Variants in AOX1 observed in about 807,000 individuals in gnomAD.
The protein encoded by AOX1 is aldehyde oxidase.
Under a neutral mutation model 169.5 loss-of-function variants are expected in AOX1, and 153 were observed. That is an observed-to-expected ratio of 0.90 (90% CI 0.79 to 1.03). AOX1 has a LOEUF of 1.03. Ranked by LOEUF, AOX1 falls within the 50% of genes least tolerant of loss-of-function variation. The pLI is 0.00. For synonymous variants in AOX1, 562 were observed against 581.9 expected, an observed-to-expected ratio of 0.97 and a Z score of 0.49; for missense variants, 1,656 against 1,663.9, an observed-to-expected ratio of 1.00 and a Z score of 0.08.
intron 24 of AOX1, among the ~76,000 whole-genome samples, chr2:200,642,227 G>T (rs1313375747): frequency 6.6e-6 from 1 of 152,118 alleles, no homozygotes; most frequent in African/African-American, 2.4e-5. Flanking sequence ...TCCCCATTGA[G>T]AACCAATACA....
At chr2:200,618,391 T>C (rs2034812008) in intron 16 of AOX1, among the ~76,000 whole-genome samples, 1 of 152,196 alleles carries the variant, frequency 6.6e-6, no homozygotes, top group African/African-American at 2.4e-5. Context: ...GTAAATTTTA[T>C]ATAAAATAGG....
intron 7 of AOX1, 140 bp from the exon 8 acceptor site, chr2:200,603,877 A>G (rs909840190): frequency 1.7e-6 from 1 of 599,604 alleles, no homozygotes; most frequent in Non-Finnish European, 3.0e-6. Context: ...CTTGGTTTGG[A>G]GCGCGGGGAT....
intron 3 of AOX1, among the ~76,000 whole-genome samples, chr2:200,596,036 G>A (rs1412456637): frequency 1.3e-5 from 2 of 152,076 alleles, no homozygotes; most frequent in East Asian, 3.9e-4. Context: ...ACTTCTCAAG[G>A]CATTATCTCT....
intron 4 of AOX1, among the ~76,000 whole-genome samples, chr2:200,598,649 CA>C (rs1185077282): frequency 1.6e-5 from 2 of 124,556 alleles, no homozygotes; most frequent in Non-Finnish European, 3.8e-5. Flanking sequence ...GAGGCTGAAG[CA>C]GGAATAATCA....
At chr2:200,663,702 A>G (rs2035875276) in intron 31 of AOX1, among the ~76,000 whole-genome samples, 1 of 152,078 alleles carries the variant, frequency 6.6e-6, no homozygotes, top group Non-Finnish European at 1.5e-5. Context: ...GTCAATACTA[A>G]TAAATGATCA....
chr2:200,621,123 T>A lies in AOX1; in HGVS notation c.1878T>A (p.Ser626=), dbSNP rs1211435606. 6.2e-7 allele frequency: 1 copy of A among 1,612,908 alleles called. No individual in the cohort carries two copies. Among genetic ancestry groups the A allele is most frequent in the African/African-American group, 1.3e-5 (1 of 74,898 alleles). The part of the protein sequence containing the change: ...TSSRAHAKIV[S]IDLSEALSMP... ...CTCTGCTGTGTATATCATCTAGGTCTATTGATCTGTCAGAAGCTCTCAGCA... is the reference window on the plus strand; with the variant it reads ...CTCTGCTGTGTATATCATCTAGGTCAATTGATCTGTCAGAAGCTCTCAGCA... Residue 626 remains serine (S), a synonymous_variant, in exon 18 of 35, where the codon TCT becomes TCA. Coordinates refer to ENST00000374700, the MANE Select transcript of AOX1 (RefSeq NM_001159.4).
chr2:200,604,074 CT>C lies in AOX1; in HGVS notation c.647del (p.Leu216ArgfsTer7). 1 of 1,612,458 alleles carries C rather than the reference CT, an allele frequency of 6.2e-7. No homozygotes were observed. Among genetic ancestry groups the C allele is most frequent in the African/African-American group, 1.3e-5 (1 of 75,000 alleles). ...EFLPLDPTQE[L>X]IFPPELMIMA... ...TCTGCCATTGGATCCAACCCAGGAA[CT>C]GATATTTCCTCCTGAGCTAATGGTG... On this transcript the variant is annotated frameshift_variant, in exon 8 of 35. Coordinates refer to ENST00000374700, the MANE Select transcript of AOX1 (RefSeq NM_001159.4). LOFTEE classifies it high-confidence loss of function.
intron 2 of AOX1, among the ~76,000 whole-genome samples, chr2:200,594,694 C>G (rs1229127552): frequency 2.6e-5 from 4 of 152,068 alleles, no homozygotes; most frequent in Non-Finnish European, 1.5e-5. Flanking sequence ...TGTTAATGAC[C>G]CCACCTAGCT....
chr2:200,621,323 CT>C, intron 18 of AOX1, 77 bp downstream of exon 18: 1 of 1,503,894 alleles, frequency 6.6e-7, no homozygotes, highest in African/African-American at 1.4e-5. Context: ...AAGATACCAT[CT>C]ACTTTGGCAC....
intron 26 of AOX1, among the ~76,000 whole-genome samples, chr2:200,654,101 G>A (rs2105761296): frequency 7.1e-6 from 1 of 141,486 alleles, no homozygotes; most frequent in Admixed American, 7.8e-5. Flanking sequence ...GTGTTCAAGT[G>A]AAAAAAAGAG....
rs1351094944 is a variant in AOX1, at chr2:200,651,067, A to G, written c.2941A>G (p.Met981Val). 4 of 1,614,112 alleles carry G rather than the reference A, an allele frequency of 2.5e-6. No homozygotes were observed. Among genetic ancestry groups the G allele is most frequent in the African/African-American group, 1.3e-5 (1 of 74,950 alleles). ...CCTAATCCAGTGTTGGAGAGAATGT[A>G]TGGCCATGTCTTCCTACTCCTTGAG... is the stretch of plus-strand genomic sequence containing the variant. ...KNLIQCWREC[M>V]AMSSYSLRKV... Residue 981 changes from methionine (M) to valine (V), a missense_variant, in exon 26 of 35, where the codon ATG becomes GTG. By Grantham distance (21) the Met-to-Val change is conservative. Coordinates refer to ENST00000374700, the MANE Select transcript of AOX1 (RefSeq NM_001159.4).
At chr2:200,663,924 C>T (rs930711592) in intron 31 of AOX1, among the ~76,000 whole-genome samples, 1 of 152,134 alleles carries the variant, frequency 6.6e-6, no homozygotes, top group Non-Finnish European at 1.5e-5. Context: ...TATAGTCAAC[C>T]TAATCTCTGA....
intron 2 of AOX1, among the ~76,000 whole-genome samples, chr2:200,594,406 A>C (rs373897521): frequency 9.2e-5 from 14 of 152,192 alleles, no homozygotes; most frequent in African/African-American, 2.7e-4. Flanking sequence ...GCATGTTTGC[A>C]TGGCTATCAC....
chr2:200,646,266 T>G (rs2035451047), intron 25 of AOX1, among the ~76,000 whole-genome samples: 1 of 152,198 alleles, frequency 6.6e-6, no homozygotes, highest in African/African-American at 2.4e-5. Flanking sequence ...GTGTCATTAT[T>G]GTCATTCAGT....
intron 13 of AOX1, among the ~76,000 whole-genome samples, chr2:200,611,878 C>T (rs1307109706): frequency 6.6e-6 from 1 of 151,630 alleles, no homozygotes; most frequent in South Asian, 2.1e-4. Flanking sequence ...CTAATTTTTG[C>T]ATTTTTAGTA....
chr2:200,621,145 A>G lies in AOX1; in HGVS notation c.1900A>G (p.Ser634Gly), dbSNP rs769240679. The G allele has an allele frequency of 3.1e-6, 5 of 1,614,140 alleles. No homozygotes were observed. The highest frequency in any genetic ancestry group is 4.2e-6 in the Non-Finnish European group (5 of 1,179,994). The change falls in exon 18 of 35, where the codon AGC (serine) becomes GGC (glycine). Residue 634 changes from serine to glycine, a missense_variant. Coordinates refer to ENST00000374700, the MANE Select transcript of AOX1 (RefSeq NM_001159.4). ...GTCTATTGATCTGTCAGAAGCTCTCAGCATGCCCGGTGTGGTGGACATCAT... is the reference window on the plus strand; with the variant it reads ...GTCTATTGATCTGTCAGAAGCTCTCGGCATGCCCGGTGTGGTGGACATCAT... ...IVSIDLSEAL[S>G]MPGVVDIMTA... is the part of the protein sequence containing the mutation.
intron 3 of AOX1, 41 bp from the exon 4 acceptor site, chr2:200,597,356 G>A (rs368429287): frequency 5.8e-5 from 86 of 1,470,430 alleles, no homozygotes; most frequent in African/African-American, 3.7e-4. Context: ...CACTGTATGC[G>A]ACATAATTTG....
chr2:200,605,056 T>TCAA (rs1188240465), intron 9 of AOX1, among the ~76,000 whole-genome samples: 4 of 152,190 alleles, frequency 2.6e-5, no homozygotes, highest in African/African-American at 9.7e-5. Context: ...TGGAGCAGTG[T>TCAA]CAAGAGTTGT....
chr2:200,623,843 G>T lies in AOX1; in HGVS notation c.2002-18G>T. On this transcript the variant is annotated intron_variant, in intron 18 of 34. Coordinates refer to ENST00000374700, the MANE Select transcript of AOX1 (RefSeq NM_001159.4). ...GATGCCTGCCCTCCTTGACAACAAAGGTCTTTCTGTGTCGTAGGTGTTCTG... is the reference window on the plus strand; with the variant it reads ...GATGCCTGCCCTCCTTGACAACAAATGTCTTTCTGTGTCGTAGGTGTTCTG... 6.2e-7 allele frequency: 1 copy of T among 1,613,292 alleles called. No homozygotes were observed. Among genetic ancestry groups the T allele is most frequent in the Admixed American group, 1.7e-5 (1 of 60,018 alleles).
Sources: allele counts gnomAD v4.1 joint callset (sites outside exome capture counted in the v4.1 genomes callset), GRCh38; gene constraint gnomAD v4.1.1; transcripts MANE v1.5; gene names NCBI Gene and HGNC (gene_info 2026-07-23, HGNC 2026-07-21).